Variants in NDUFAF6 observed in about 807,000 individuals in gnomAD.
NDUFAF6 encodes NADH:ubiquinone oxidoreductase complex assembly factor 6.
NDUFAF6 carries 45 observed loss-of-function variants against 40.8 expected under a neutral mutation model. The ratio of observed to expected loss-of-function variants is 1.10; its 90% CI spans 0.87 to 1.42. The LOEUF (loss-of-function observed/expected upper bound fraction) is 1.42. Ranked by LOEUF, NDUFAF6 falls within the 40% of genes most tolerant of loss-of-function variation. The probability of loss-of-function intolerance (pLI) is 0.00; values close to 1 mark genes in which losing one functional copy is unlikely to be tolerated. For synonymous variants in NDUFAF6, 185 were observed against 155.9 expected (o/e 1.19, Z -1.39); for missense variants, 435 against 418.5 (o/e 1.04, Z -0.34).
rs189981250 is a variant in NDUFAF6, at chr8:94,904,423, G to A, written c.-936+8496G>A. Among the ~76,000 whole-genome samples, 56 of 133,276 alleles carry A rather than the reference G, an allele frequency of 4.2e-4. No individual in the cohort carries two copies. In the East Asian group the frequency reaches 6.3e-3, roughly 15 times the overall value. 87.4% of individuals were successfully genotyped at this position (133,276 alleles called of 152,430 possible). On this transcript the variant is annotated intron_variant, in intron 1 of 14. Transcript: ENST00000396113. ...GATCTCCTGACCTCGTGATCTGCCC[G>A]CCTCGGCCTCCCAAAGTGCTGGGAT...
chr8:95,064,137 G>A (rs2288875), intron 9 of NDUFAF6, among the ~76,000 whole-genome samples: 29 of 143,850 alleles, frequency 2.0e-4, no homozygotes, highest in Admixed American at 1.9e-3. Flanking sequence ...TGATCTGCCC[G>A]CCTCAGCCTC....
At chr8:95,052,672 G>A (rs1050677171) in intron 8 of NDUFAF6, among the ~76,000 whole-genome samples, 8 of 152,298 alleles carry the variant, frequency 5.3e-5, no homozygotes, top group South Asian at 2.1e-4. Flanking sequence ...TTCCAGAACA[G>A]TGGTTCATAG....
Position 95,031,973 on chromosome 8 carries a change from CTT to C in NDUFAF6, c.198-15_198-14del, listed in dbSNP as rs745939417. 5 of 1,594,108 alleles carry C rather than the reference CTT, an allele frequency of 3.1e-6. No homozygotes were observed. In the East Asian group the frequency reaches 1.1e-4, roughly 36 times the overall value. ...AGCTTGGAAAGTGAAGAGTAACTGT[CTT>C]TTTTTTCTGTCTGTTACAGGAAACG... On this transcript the variant is annotated intron_variant, in intron 1 of 8. Coordinates refer to ENST00000396124, the MANE Select transcript of NDUFAF6 (RefSeq NM_152416.4).
rs552420530 is a variant in NDUFAF6 at position 94,947,684 on chromosome 8, C to A, written c.-799+2065C>A. On this transcript the variant is annotated intron_variant, in intron 2 of 14. Coordinates refer to the NDUFAF6 transcript ENST00000396113. ...TCCCCCAGGGATCCACCCCTGTCTG[C>A]CCCTAAGGCTGAAAGACAGTGGACA... Among the ~76,000 whole-genome samples, 3 of 152,334 alleles carry A rather than the reference C, an allele frequency of 2.0e-5. No homozygotes were observed. The East Asian group carries it at 5.8e-4, about 29-fold the overall frequency.
intron 1 of NDUFAF6, chr8:94,927,675 A>G (rs1820016839): frequency 6.6e-6 from 1 of 152,154 alleles, no homozygotes; most frequent in Admixed American, 6.5e-5. Context: ...CATAAGATAT[A>G]TATTATAAAA....
chr8:95,093,303 C>A (rs1809330325), intron 2 of NDUFAF6, among the ~76,000 whole-genome samples: 1 of 152,196 alleles, frequency 6.6e-6, no homozygotes, highest in African/African-American at 2.4e-5. Flanking sequence ...AAAGAAACTT[C>A]TTATCTGAGG....
upstream of NDUFAF6, chr8:95,024,929 T>A: frequency 8.4e-7 from 1 of 1,192,960 alleles, no homozygotes; most frequent in Non-Finnish European, 1.1e-6. Flanking sequence ...CAAAGGAGCA[T>A]AGGGGAACCT....
At chr8:94,952,425 C>A (rs536321850) in intron 2 of NDUFAF6, among the ~76,000 whole-genome samples, 86 of 152,340 alleles carry the variant, frequency 5.6e-4, no homozygotes, top group African/African-American at 2.1e-3. Context: ...TTTCTATCTA[C>A]CCATCAACAG....
intron 2 of NDUFAF6, among the ~76,000 whole-genome samples, chr8:94,996,526 T>A (rs1262715640): frequency 6.6e-6 from 1 of 152,210 alleles, no homozygotes; most frequent in African/African-American, 2.4e-5. Context: ...CTTATCTAAA[T>A]AGAATTAGAT....
At chr8:95,042,612 T>G (rs1272185139) in intron 4 of NDUFAF6, among the ~76,000 whole-genome samples, 3 of 152,246 alleles carry the variant, frequency 2.0e-5, no homozygotes, top group Non-Finnish European at 4.4e-5. Flanking sequence ...ATTCCAGCTT[T>G]CTTTTTTGCA....
intron 1 of NDUFAF6, among the ~76,000 whole-genome samples, chr8:94,904,961 A>C (rs1468429029): frequency 6.6e-6 from 1 of 152,136 alleles, no homozygotes; most frequent in East Asian, 1.9e-4. Flanking sequence ...GCACTTTGGG[A>C]GGCCAAGGCG....
intron 1 of NDUFAF6, chr8:94,940,277 A>G (rs903770067): frequency 5.2e-5 from 79 of 1,527,572 alleles, no homozygotes; most frequent in Non-Finnish European, 1.4e-5. Context: ...CCACAGGAGG[A>G]TGATTATCAC....
At chr8:94,940,345 G>A (rs1821408718) in intron 1 of NDUFAF6, 1 of 1,129,084 alleles carries the variant, frequency 8.9e-7, no homozygotes, top group Non-Finnish European at 1.2e-6. Flanking sequence ...AAGAAGAGAT[G>A]ATACTATTAG....
chr8:94,972,351 C>T (rs1442867633), intron 1 of NDUFAF6, among the ~76,000 whole-genome samples: 1 of 152,074 alleles, frequency 6.6e-6, no homozygotes, highest in African/African-American at 2.4e-5. Flanking sequence ...AAGCAGTTCT[C>T]CTGCTTCAGC....
chr8:95,035,933 G>A (rs1318260924), intron 3 of NDUFAF6, among the ~76,000 whole-genome samples: 1 of 152,190 alleles, frequency 6.6e-6, no homozygotes, highest in Admixed American at 6.5e-5. Flanking sequence ...CCTTATACCA[G>A]TGTTTTAATC....
upstream of NDUFAF6, among the ~76,000 whole-genome samples, chr8:95,020,581 C>T (rs1827652973): frequency 6.6e-6 from 1 of 152,206 alleles, no homozygotes; most frequent in African/African-American, 2.4e-5. Context: ...CCCACACCAG[C>T]CCCTCTTGCT....
At chr8:94,985,505 A>C (rs1586904013) in intron 2 of NDUFAF6, among the ~76,000 whole-genome samples, 1 of 7,054 alleles carries the variant, frequency 1.4e-4, no homozygotes, top group Non-Finnish European at 2.4e-4. Flanking sequence ...ATATATATAT[A>C]TATATATATA....
chr8:95,094,386 CTTTTCTTTTCTTTCT>C lies in NDUFAF6; in HGVS notation n.214-6741_214-6727del, dbSNP rs1563865589. Among the ~76,000 whole-genome samples the C allele has an allele frequency of 2.0e-3, 39 of 19,468 alleles. 1 individual carries two copies. The highest frequency in any genetic ancestry group is 0.01 in the African/African-American group (36 of 3,496). The allele number at this position is 19,468 out of a possible 152,430, so 12.8% of individuals were successfully genotyped here. A position where few individuals can be genotyped will look rare whatever the true frequency, so the allele number is the denominator to read the frequency against. ...TTTCTTTTCTTTTCTTTCCTTCTTT[CTTTTCTTTTCTTTCT>C]TTTTTTTTTTTTTGGATTTTTTTTT... On this transcript the variant is annotated intron_variant and non_coding_transcript_variant, in intron 2 of 5. Coordinates refer to the NDUFAF6 transcript ENST00000523184.
upstream of NDUFAF6, among the ~76,000 whole-genome samples, chr8:94,953,350 AAAAAAAAAAAC>A (rs1822790953): frequency 7.3e-6 from 1 of 137,688 alleles, no homozygotes; most frequent in Middle Eastern, 3.3e-3. Flanking sequence ...CCATCTCAAG[AAAAAAAAAAAC>A]AAAAAAAAAA....
Sources: gnomAD v4.1 joint callset for allele counts (sites outside exome capture counted in the v4.1 genomes callset) on GRCh38, gnomAD v4.1.1 for gene constraint, MANE v1.5 for transcripts, NCBI Gene and HGNC (gene_info 2026-07-23, HGNC 2026-07-21) for gene names.